Variants in WDFY4 observed in about 807,000 individuals in gnomAD.
WDFY4 encodes WD repeat- and FYVE domain-containing protein 4.
A neutral mutation model predicts 351.9 loss-of-function variants in WDFY4; 169 were observed. The observed-to-expected ratio is 0.48, with a 90% CI of 0.42 to 0.55. The LOEUF is 0.55. Among genes scored for constraint, WDFY4 ranks in the 20% least tolerant of loss-of-function variants. The probability of loss-of-function intolerance (pLI) is 0.00; values close to 1 mark genes in which losing one functional copy is unlikely to be tolerated. For synonymous variants in WDFY4, 1,622 were observed against 1,574.6 expected (o/e 1.03, Z -0.71); for missense variants, 3,803 against 3,935.6 (o/e 0.97, Z 0.90).
intron 47 of WDFY4, among the ~76,000 whole-genome samples, chr10:48,941,017 A>G (rs1414298389): frequency 6.6e-6 from 1 of 152,096 alleles, no homozygotes; most frequent in Non-Finnish European, 1.5e-5. Flanking sequence ...ATACTTTTTA[A>G]CCCAGTAGCA....
At chr10:48,926,941 G>C (rs1366317016) in intron 47 of WDFY4, among the ~76,000 whole-genome samples, 1 of 152,194 alleles carries the variant, frequency 6.6e-6, no homozygotes, top group Non-Finnish European at 1.5e-5. Context: ...TTGCCACATG[G>C]AGTGTGAGTC....
rs1168619054 is a variant in WDFY4, at chr10:48,981,399, C to G, written c.9409C>G (p.Arg3137Gly). The change falls in exon 61 of 62, where the codon CGA becomes GGA. Residue 3137 changes from arginine (R) to glycine (G), a missense_variant. Arg to Gly is a moderately radical substitution (Grantham distance 125, BLOSUM62 -2). Transcript: ENST00000325239. Reference sequence around the variant, plus strand: ...GTGGGAGAAGAACCTGGCCTTGAGTCGAGAGCTGGACGTTAGCATTGCTTT... The same window carrying G: ...GTGGGAGAAGAACCTGGCCTTGAGTGGAGAGCTGGACGTTAGCATTGCTTT... ...HKWEKNLALS[R>G]ELDVSIALTG... 1 of 1,551,762 alleles carries G rather than the reference C, an allele frequency of 6.4e-7. No individual in the cohort carries two copies. The highest frequency in any genetic ancestry group is 1.2e-5 in the South Asian group (1 of 84,046).
Position 48,768,806 on chromosome 10 carries a change from T to C in WDFY4, c.2554-5652T>C, listed in dbSNP as rs546046059. ...ATGATTGAAGTATGGACAGTGCTGGTTGGGAAAGTCAGAAAAAGTTTCTTG... is the reference window on the plus strand; with the variant it reads ...ATGATTGAAGTATGGACAGTGCTGGCTGGGAAAGTCAGAAAAAGTTTCTTG... On this transcript the variant is annotated intron_variant, in intron 13 of 61. Coordinates refer to ENST00000325239, the MANE Select transcript of WDFY4 (RefSeq NM_001394531.1). Among the ~76,000 whole-genome samples the C allele has an allele frequency of 2.4e-4, 36 of 151,008 alleles. No homozygotes were observed. In the South Asian group the frequency reaches 7.0e-3, roughly 29 times the overall value.
chr10:48,709,818 C>T lies in WDFY4; in HGVS notation c.86C>T (p.Pro29Leu), dbSNP rs1378588271. The T allele has an allele frequency of 1.9e-6, 3 of 1,551,894 alleles. No individual in the cohort carries two copies. The East Asian group carries it at 7.3e-5, about 38-fold the overall frequency. The change falls in exon 2 of 62, where the codon CCT becomes CTT. Residue 29 changes from proline to leucine, a missense_variant. Pro to Leu is a moderately conservative substitution (Grantham distance 98). Around this residue, in one of 3 missense-constraint regions of WDFY4, gnomAD observed 488 missense variants for 456.8 expected, o/e 1.07. Coordinates refer to ENST00000325239, the MANE Select transcript of WDFY4 (RefSeq NM_001394531.1). The stretch of plus-strand genomic sequence containing the variant: ...GAAGGGCAGCTTGCTGCTGTGCAGC[C>T]TGATGTCCCACATGGAGGGCAGTCC... ...KNEGQLAAVQ[P>L]DVPHGGQSSS...
intron 60 of WDFY4, 62 bp from the exon 61 acceptor site, chr10:48,981,305 T>A (rs1380471546): frequency 2.1e-6 from 3 of 1,407,172 alleles, no homozygotes; most frequent in Non-Finnish European, 2.0e-6. Context: ...CGTGTGCAGA[T>A]GCACACTGTA....
intron 2 of WDFY4, among the ~76,000 whole-genome samples, chr10:48,717,492 C>T (rs1033228699): frequency 3.9e-5 from 6 of 152,134 alleles, no homozygotes; most frequent in Admixed American, 2.0e-4. Context: ...AACCAAGCTC[C>T]CTGTGTACAC....
In WDFY4 at chr10:48,709,894, C is replaced by T; in HGVS notation, c.162C>T (p.Tyr54=). 4.5e-6 allele frequency: 7 copies of T among 1,552,096 alleles called. No individual in the cohort carries two copies. The highest frequency in any genetic ancestry group is 6.1e-6 in the Non-Finnish European group (7 of 1,147,092). The change falls in exon 2 of 62, where the codon TAC becomes TAT. Residue 54 remains tyrosine, a synonymous_variant. Transcript: ENST00000325239. ...TGCTGGAAAGGAAGTTTCTGGAATA[C>T]CAGCAGTTGACTCACAAGAGCCCCA... ...WDMLERKFLE[Y]QQLTHKSPIE...
intron 51 of WDFY4, among the ~76,000 whole-genome samples, chr10:48,947,337 G>A (rs1382197784): frequency 6.6e-6 from 1 of 152,230 alleles, no homozygotes; most frequent in East Asian, 1.9e-4. Context: ...ATACGAGAAG[G>A]AACAATGAAA....
Position 48,873,573 on chromosome 10 carries a change from G to A in WDFY4, c.6824G>A (p.Ser2275Asn). The A allele has an allele frequency of 6.4e-7, 1 of 1,551,782 alleles. No homozygotes were observed. Among genetic ancestry groups the A allele is most frequent in the Non-Finnish European group, 8.7e-7 (1 of 1,147,008 alleles). The change falls in exon 41 of 62, where the codon AGC becomes AAC. Residue 2275 changes from serine (S) to asparagine (N), a missense_variant. By Grantham distance (46) the Ser-to-Asn change is conservative. This residue lies in a region of WDFY4 where 3,054 missense variants were observed against 3,148.6 expected (regional missense o/e 0.97). Coordinates refer to ENST00000325239, the MANE Select transcript of WDFY4 (RefSeq NM_001394531.1). ...EQLFGELGLW[S>N]QGEETKPCSP... Reference sequence around the variant, plus strand: ...CTTTTTGGGGAGCTGGGCTTGTGGAGCCAGGGGGAAGAAACCAAGCCCTGT... The same window carrying A: ...CTTTTTGGGGAGCTGGGCTTGTGGAACCAGGGGGAAGAAACCAAGCCCTGT...
At chr10:48,962,138 C>T (rs1841886067) in intron 53 of WDFY4, among the ~76,000 whole-genome samples, 1 of 152,196 alleles carries the variant, frequency 6.6e-6, no homozygotes, top group African/African-American at 2.4e-5. Flanking sequence ...CTGGGTATGC[C>T]TTTAGTGGTT....
At chr10:48,974,746 C>A in intron 57 of WDFY4, 116 bp from the exon 58 acceptor site, 1 of 1,091,750 alleles carries the variant, frequency 9.2e-7, no homozygotes, top group Non-Finnish European at 1.3e-6. Context: ...GAATCACTGA[C>A]TCACTCAGAA....
intron 49 of WDFY4, among the ~76,000 whole-genome samples, chr10:48,945,699 T>A (rs1841006897): frequency 6.6e-6 from 1 of 152,154 alleles, no homozygotes; most frequent in Non-Finnish European, 1.5e-5. Flanking sequence ...ACTATTGGAG[T>A]ACATAATGCA....
chr10:48,687,108 A>G (rs939611383), intron 1 of WDFY4, among the ~76,000 whole-genome samples: 2 of 152,202 alleles, frequency 1.3e-5, no homozygotes, highest in Non-Finnish European at 2.9e-5. Context: ...TGCATTGACC[A>G]AATTACTAAG....
At chr10:48,721,225 G>A in intron 3 of WDFY4, 36 bp from the exon 4 acceptor site, 8 of 1,544,700 alleles carry the variant, frequency 5.2e-6, no homozygotes, top group South Asian at 1.2e-5. Context: ...GAGTGGGCAG[G>A]TCGCTGTATG....
chr10:48,754,101 C>G (rs933889128), intron 12 of WDFY4, among the ~76,000 whole-genome samples: 8 of 152,080 alleles, frequency 5.3e-5, no homozygotes, highest in Non-Finnish European at 1.2e-4. Context: ...CCTTGCATTT[C>G]TAATATAAAT....
intron 12 of WDFY4, 123 bp from the exon 13 acceptor site, chr10:48,760,224 C>T: frequency 1.2e-6 from 1 of 836,120 alleles, no homozygotes; most frequent in Non-Finnish European, 1.9e-6. Flanking sequence ...TCAATGTCAT[C>T]TAGGTAATAA....
At chr10:48,935,876 G>A (rs1840326357) in intron 47 of WDFY4, among the ~76,000 whole-genome samples, 1 of 148,940 alleles carries the variant, frequency 6.7e-6, no homozygotes, top group African/African-American at 2.5e-5. Flanking sequence ...GAATAAGGCT[G>A]AAATTATCTA....
At chr10:48,914,328 A>C (rs763864759) in intron 47 of WDFY4, 10 of 704,082 alleles carry the variant, frequency 1.4e-5, no homozygotes, top group Non-Finnish European at 2.3e-5. Flanking sequence ...TTTAAAAAGC[A>C]AGAAAGAGGA....
At position 48,731,397 on chromosome 10, in the gene WDFY4, C is replaced by G. The variant is rs1233718036; in HGVS notation, c.1417C>G (p.Leu473Val). 6 of 1,551,756 alleles carry G rather than the reference C, an allele frequency of 3.9e-6. No individual in the cohort carries two copies. The South Asian group carries it at 5.9e-5, about 15-fold the overall frequency. The part of the protein sequence containing the change: ...PHEILRKVQH[L>V]IKESPGPSCT... ...TGAGATCCTGCGAAAGGTACAGCAT[C>G]TGATCAAGGAGAGCCCTGGGCCATC... The change falls in exon 9 of 62, where the codon CTG (leucine) becomes GTG (valine). Residue 473 changes from leucine to valine, a missense_variant. Transcript: ENST00000325239.
Sources: allele counts gnomAD v4.1 joint callset (sites outside exome capture counted in the v4.1 genomes callset), GRCh38; gene constraint gnomAD v4.1.1; regional missense constraint gnomAD v4.1.1; transcripts MANE v1.5; gene names NCBI Gene and HGNC (gene_info 2026-07-23, HGNC 2026-07-21).